SPATA21: variants seen among roughly 807,000 people sequenced by gnomAD.
SPATA21 encodes spermatogenesis associated 21.
A neutral mutation model predicts 54.8 loss-of-function variants in SPATA21; 47 were observed. The observed-to-expected ratio is 0.86, with a 90% CI of 0.68 to 1.09. The LOEUF is 1.09. SPATA21 is among the 50% of genes least tolerant of loss of function. The probability of loss-of-function intolerance (pLI) is 0.00; values close to 1 mark genes in which losing one functional copy is unlikely to be tolerated. For synonymous variants in SPATA21, 245 were observed against 235.3 expected, an observed-to-expected ratio of 1.04 and a Z score of -0.38; for missense variants, 599 against 596.4, an observed-to-expected ratio of 1.00 and a Z score of -0.05.
chr1:16,407,025 G>A (rs1000920820), intron 7 of SPATA21, among the ~76,000 whole-genome samples: 6 of 152,232 alleles, frequency 3.9e-5, no homozygotes, highest in African/African-American at 1.2e-4. Flanking sequence ...ATTCATGTGA[G>A]CCTCTATATC....
At position 16,400,715 on chromosome 1, in the gene SPATA21, C is replaced by T. The variant is rs778972291; in HGVS notation, c.1174+5G>A. 3.1e-6 allele frequency: 5 copies of T among 1,611,108 alleles called. No homozygotes were observed. The South Asian group carries it at 5.5e-5, about 18-fold the overall frequency. Reference sequence around the variant, plus strand: ...AGCCCATCCCACCCTGCCCAGGGCCCTCACCATAGTTCTGCTGCTTCAGCC... The same window carrying T: ...AGCCCATCCCACCCTGCCCAGGGCCTTCACCATAGTTCTGCTGCTTCAGCC... On this transcript the variant is annotated splice_donor_5th_base_variant and intron_variant, in intron 11 of 12. Coordinates refer to ENST00000335496, the MANE Select transcript of SPATA21 (RefSeq NM_198546.1).
chr1:16,403,697 C>G (rs376717009), intron 10 of SPATA21, 30 bp downstream of exon 10: 5 of 1,588,622 alleles, frequency 3.1e-6, no homozygotes, highest in Non-Finnish European at 4.3e-6. Flanking sequence ...TGTCCACAAC[C>G]CTTCACCCCC....
In SPATA21 at chr1:16,399,653, C is replaced by CT. The variant is rs919604330; in HGVS notation, c.1175-133dup. 37 of 1,020,244 alleles carry CT rather than the reference C, an allele frequency of 3.6e-5. 1 individual carries two copies. In the African/African-American group the frequency reaches 5.3e-4, roughly 15 times the overall value. 63.2% of individuals were successfully genotyped at this position (1,020,244 alleles called of 1,614,324 possible). ...GTTTGGGGCAAGTCACTTAACCTCT[C>CT]TAAGCTTCTGAGCTGGAGGTGATAG... On this transcript the variant is annotated intron_variant, in intron 11 of 12. Coordinates refer to ENST00000335496, the MANE Select transcript of SPATA21 (RefSeq NM_198546.1).
chr1:16,427,895 T>C (rs1376646436), intron 3 of SPATA21: 16 of 1,549,916 alleles, frequency 1.0e-5, no homozygotes, highest in East Asian at 2.5e-5. Flanking sequence ...TGCTCCTGGA[T>C]TCTGAGCTCT....
downstream of SPATA21, chr1:16,397,218 AG>A (rs1229069388): frequency 1.3e-5 from 2 of 152,404 alleles, no homozygotes; most frequent in Non-Finnish European, 1.5e-5. This position sits in a 1 kb window ranked among gnomAD's most constrained non-coding sequence, Gnocchi z 5.4. Context: ...AGGATGTGGC[AG>A]GGACTGGTCC....
chr1:16,419,060 A>G (rs1329010983), intron 5 of SPATA21, among the ~76,000 whole-genome samples: 2 of 152,220 alleles, frequency 1.3e-5, no homozygotes, highest in Non-Finnish European at 2.9e-5. Flanking sequence ...ATAATGTCGG[A>G]GGGAGAAAGT....
rs79844246 is a variant in SPATA21, at chr1:16,407,046, C to T, written c.674-1942G>A. 2.1e-3 allele frequency among the ~76,000 whole-genome samples: 320 copies of T among 152,300 alleles called. 7 individuals are homozygous for T. In the East Asian group the frequency reaches 0.057, roughly 27 times the overall value. Reference sequence around the variant, plus strand: ...GTGAGCCTCTATATCCATATCTGTACGATGGCCATGACAACAGGGCACCCT... The same window carrying T: ...GTGAGCCTCTATATCCATATCTGTATGATGGCCATGACAACAGGGCACCCT... On this transcript the variant is annotated intron_variant, in intron 7 of 12. Transcript: ENST00000335496.
At chr1:16,416,583 C>A (rs186316276) in intron 5 of SPATA21, among the ~76,000 whole-genome samples, 1 of 151,296 alleles carries the variant, frequency 6.6e-6, no homozygotes, top group South Asian at 2.1e-4. Context: ...GAGGCTGAGG[C>A]GGGAGAATTG....
Position 16,428,349 on chromosome 1 carries a change from A to T in SPATA21, c.34+2989T>A, listed in dbSNP as rs2086373826. Among the ~76,000 whole-genome samples, 1 of 152,284 alleles carries T rather than the reference A, an allele frequency of 6.6e-6. No individual in the cohort carries two copies. The highest frequency in any genetic ancestry group is 1.9e-4 in the East Asian group (1 of 5,144). Reference sequence around the variant, plus strand: ...ACAAGGTCCAAGAGACGCCTTCAACAATTCCCATGCCTTCAAAACGCAGGC... The same window carrying T: ...ACAAGGTCCAAGAGACGCCTTCAACTATTCCCATGCCTTCAAAACGCAGGC... On this transcript the variant is annotated intron_variant, in intron 3 of 12. Transcript: ENST00000335496. The surrounding 1 kb of genome is among the most constrained non-coding windows in gnomAD (Gnocchi z 4.3).
Position 16,400,875 on chromosome 1 carries a change from A to G in SPATA21, c.1019T>C (p.Leu340Pro). Reference sequence around the variant, plus strand: ...CTGGGCCTTGCAGGTGCCTTCCTTCAGCTTTTTCTGGTAGTAGCTGGGGAG... The same window carrying G: ...CTGGGCCTTGCAGGTGCCTTCCTTCGGCTTTTTCTGGTAGTAGCTGGGGAG... Reference protein sequence around the residue: ...EEITNYYQKKLKEGTCKAQEM... With the variant: ...EEITNYYQKKPKEGTCKAQEM... Residue 340 changes from leucine (L) to proline (P), a missense_variant, in exon 11 of 13, where the codon CTG becomes CCG. Transcript: ENST00000335496. 1 of 1,612,730 alleles carries G rather than the reference A, an allele frequency of 6.2e-7. No individual in the cohort carries two copies. Among genetic ancestry groups the G allele is most frequent in the South Asian group, 1.1e-5 (1 of 91,036 alleles).
chr1:16,401,259 C>G (rs1435408680), intron 10 of SPATA21, among the ~76,000 whole-genome samples: 1 of 152,206 alleles, frequency 6.6e-6, no homozygotes, highest in South Asian at 2.1e-4. Flanking sequence ...GTGTCTGGCA[C>G]ACGGAAAATG....
rs189922126 is a variant in SPATA21, at chr1:16,414,152, G to A, written c.145-4109C>T. ...GCAATCTTGGCTCACTGCAACCTCC[G>A]CCTCCCGGGTTCAAGTGATTCTCGT... On this transcript the variant is annotated intron_variant, in intron 5 of 12. Transcript: ENST00000335496. 6.1e-3 allele frequency among the ~76,000 whole-genome samples: 926 copies of A among 151,870 alleles called. 6 individuals are homozygous for A. Among genetic ancestry groups the A allele is most frequent in the Middle Eastern group, 0.048 (14 of 294 alleles).
chr1:16,408,113 G>T (rs899288180), intron 7 of SPATA21, among the ~76,000 whole-genome samples: 8 of 152,206 alleles, frequency 5.3e-5, no homozygotes, highest in Non-Finnish European at 1.2e-4. Flanking sequence ...CAAGGATGGG[G>T]TCACAGGGAG....
At position 16,398,653 on chromosome 1, in the gene SPATA21, G is replaced by T; in HGVS notation, c.*112C>A. ...AAGAGGCACAGAGGCTGAAGTTATT[G>T]GTGTTTATTAGCTCACCAGGCCACA... On this transcript the variant is annotated 3_prime_UTR_variant, in exon 13 of 13. Coordinates refer to ENST00000335496, the MANE Select transcript of SPATA21 (RefSeq NM_198546.1). 2 of 1,177,594 alleles carry T rather than the reference G, an allele frequency of 1.7e-6. No homozygotes were observed. The highest frequency in any genetic ancestry group is 2.5e-6 in the Non-Finnish European group (2 of 805,336). 72.9% of individuals were successfully genotyped at this position (1,177,594 alleles called of 1,614,324 possible).
chr1:16,424,994 C>T, intron 3 of SPATA21: 1 of 329,786 alleles, frequency 3.0e-6, no homozygotes, highest in Admixed American at 4.2e-5. Context: ...TCTCAGCTCA[C>T]TGCAACCTCC....
Position 16,421,523 on chromosome 1 carries a change from G to A in SPATA21, c.130C>T (p.Pro44Ser). The A allele has an allele frequency of 1.2e-6, 2 of 1,613,546 alleles. No individual in the cohort carries two copies. The highest frequency in any genetic ancestry group is 1.7e-6 in the Non-Finnish European group (2 of 1,179,816). ...EAVETHPAPG[P>S]LPPPEVRDIG... is the part of the protein sequence containing the mutation. ...GCCCTACTTACTGGTGGAGGAAGAG[G>A]CCCCGGTGCTGGGTGGGTCTCCACA... The change falls in exon 5 of 13, where the codon CCT (proline) becomes TCT (serine). Residue 44 changes from proline to serine, a missense_variant. Transcript: ENST00000335496. This position sits in a 1 kb window ranked among gnomAD's most constrained non-coding sequence, Gnocchi z 5.2.
rs146943554 is a variant in SPATA21 at position 16,407,638 on chromosome 1, T to A, written c.673+1480A>T. 5.1e-3 allele frequency among the ~76,000 whole-genome samples: 775 copies of A among 152,076 alleles called. 4 individuals carry two copies. The highest frequency in any genetic ancestry group is 8.0e-3 in the Non-Finnish European group (546 of 67,986). On this transcript the variant is annotated intron_variant, in intron 7 of 12. Coordinates refer to ENST00000335496, the MANE Select transcript of SPATA21 (RefSeq NM_198546.1). ...CCACACCGGGCTAATTTTTGTATTT[T>A]TAGTAGAGACAGGGTTTCACCATGT...
chr1:16,435,202 G>A (rs1454988297), intron 1 of SPATA21, among the ~76,000 whole-genome samples: 1 of 152,110 alleles, frequency 6.6e-6, no homozygotes, highest in Non-Finnish European at 1.5e-5. Context: ...TGAGTGTAAA[G>A]TGTTATCTCA....
intron 3 of SPATA21, among the ~76,000 whole-genome samples, chr1:16,426,587 T>A (rs1398510685): frequency 1.8e-3 from 193 of 104,862 alleles, no homozygotes; most frequent in Non-Finnish European, 3.1e-3. Flanking sequence ...ATATTTTTTT[T>A]TTTTTTTTTT....
Sources: allele counts gnomAD v4.1 joint callset (sites outside exome capture counted in the v4.1 genomes callset), GRCh38; gene constraint gnomAD v4.1.1; non-coding constraint Gnocchi (gnomAD v3.1); transcripts MANE v1.5; gene names NCBI Gene and HGNC (gene_info 2026-07-23, HGNC 2026-07-21).